Variants in CCDC186 observed in about 807,000 individuals in gnomAD.
CCDC186 encodes the protein coiled-coil domain-containing protein 186.
A neutral mutation model predicts 113.7 loss-of-function variants in CCDC186; 49 were observed. The observed-to-expected ratio is 0.43, with a 90% CI of 0.34 to 0.55. The LOEUF is 0.55. CCDC186 is among the 20% of genes least tolerant of loss of function. CCDC186 has a pLI of 0.02. For missense variants in CCDC186, 890 were observed against 1,011.1 expected, an observed-to-expected ratio of 0.88 and a Z score of 1.62; for synonymous variants, 355 against 345.8, an observed-to-expected ratio of 1.03 and a Z score of -0.30.
In CCDC186 at chr10:114,145,600, A is replaced by G. The variant is rs2031610947; in HGVS notation, c.1050T>C (p.Ile350=). 1 of 1,612,750 alleles carries G rather than the reference A, an allele frequency of 6.2e-7. No individual in the cohort carries two copies. Among genetic ancestry groups the G allele is most frequent in the African/African-American group, 1.3e-5 (1 of 74,966 alleles). ...NKELEKNTNK[I]KQLSQEKGRL... ...GTCCTTTCTCCTGAGAAAGCTGCTT[A>G]ATTTTGTTAGTGTTTTTCTCAAGTT... Residue 350 remains isoleucine, a synonymous_variant, in exon 5 of 16, where the codon ATT becomes ATC. Coordinates refer to ENST00000369287, the MANE Select transcript of CCDC186 (RefSeq NM_018017.4).
At chr10:114,137,517 G>A (rs2031303238) in intron 6 of CCDC186, among the ~76,000 whole-genome samples, 1 of 152,216 alleles carries the variant, frequency 6.6e-6, no homozygotes, top group African/African-American at 2.4e-5. Flanking sequence ...ATTACTAGAA[G>A]TTACTAACCT....
chr10:114,172,890 G>A lies in CCDC186; in HGVS notation c.-62+1125C>T, dbSNP rs1424317108. 2.0e-5 allele frequency among the ~76,000 whole-genome samples: 3 copies of A among 152,252 alleles called. No individual in the cohort carries two copies. In the East Asian group the frequency reaches 5.8e-4, roughly 29 times the overall value. ...TTCACTATCAATCTCTCTTGAACCT[G>A]AATCCTTCCCACGAGATGAACACTC... On this transcript the variant is annotated intron_variant, in intron 1 of 15. Transcript: ENST00000369287.
intron 2 of CCDC186, among the ~76,000 whole-genome samples, chr10:114,158,421 G>C (rs956461833): frequency 6.6e-6 from 1 of 152,108 alleles, no homozygotes; most frequent in Non-Finnish European, 1.5e-5. Context: ...GGACTAATTA[G>C]CAATAGCTGT....
chr10:114,165,220 T>C (rs2119818978), intron 1 of CCDC186, among the ~76,000 whole-genome samples: 1 of 152,354 alleles, frequency 6.6e-6, no homozygotes, highest in East Asian at 1.9e-4. Flanking sequence ...CTGCAGATAT[T>C]TTATAACCAA....
Position 114,134,897 on chromosome 10 carries a change from G to A in CCDC186, c.1655+16C>T, listed in dbSNP as rs1174126384. The A allele has an allele frequency of 1.4e-5, 22 of 1,594,582 alleles. No individual in the cohort carries two copies. The highest frequency in any genetic ancestry group is 1.5e-5 in the Non-Finnish European group (18 of 1,174,226). On this transcript the variant is annotated intron_variant, in intron 10 of 15. Transcript: ENST00000369287. ...AGCTTGCTTATTAATACAAACAGAA[G>A]TTGCTCATTTTGTACCTTTGAAGCT...
chr10:114,140,206 A>T (rs551483085), intron 6 of CCDC186, among the ~76,000 whole-genome samples: 118 of 152,376 alleles, frequency 7.7e-4, no homozygotes, highest in African/African-American at 2.6e-3. Context: ...AGGACATGAG[A>T]AAGTCCGGAT....
At chr10:114,170,830 A>G (rs2032473886) in intron 1 of CCDC186, among the ~76,000 whole-genome samples, 1 of 152,096 alleles carries the variant, frequency 6.6e-6, no homozygotes, top group Non-Finnish European at 1.5e-5. Context: ...GATGTTTAAA[A>G]AAAAAGACTT....
At chr10:114,159,660 A>G (rs1033278113) in intron 2 of CCDC186, among the ~76,000 whole-genome samples, 1 of 151,694 alleles carries the variant, frequency 6.6e-6, no homozygotes, top group Non-Finnish European at 1.5e-5. Flanking sequence ...AAAAAAAAAA[A>G]AAAAGAATTT....
intron 3 of CCDC186, among the ~76,000 whole-genome samples, chr10:114,156,773 G>C (rs547994000): frequency 1.3e-5 from 2 of 152,090 alleles, no homozygotes; most frequent in Non-Finnish European, 1.5e-5. Flanking sequence ...GAAAAGGACA[G>C]GCTAGGAAAG....
intron 11 of CCDC186, 113 bp downstream of exon 11, chr10:114,131,816 A>T: frequency 1.2e-6 from 1 of 851,102 alleles, no homozygotes; most frequent in Non-Finnish European, 1.6e-6. Flanking sequence ...AAATTGTCAG[A>T]AAGTCAGTGT....
intron 5 of CCDC186, among the ~76,000 whole-genome samples, chr10:114,144,842 TG>T (rs1365056609): frequency 6.6e-6 from 1 of 152,160 alleles, no homozygotes; most frequent in Non-Finnish European, 1.5e-5. Context: ...TTTAACCAAT[TG>T]GATGTATTGT....
intron 11 of CCDC186, among the ~76,000 whole-genome samples, chr10:114,131,573 T>C (rs1432197133): frequency 2.6e-5 from 4 of 152,314 alleles, no homozygotes; most frequent in Admixed American, 6.5e-5. Context: ...GGTTGTTGAA[T>C]TTTTGGACTA....
intron 1 of CCDC186, among the ~76,000 whole-genome samples, chr10:114,165,367 T>C (rs867669090): frequency 1.3e-5 from 2 of 152,230 alleles, no homozygotes; most frequent in Non-Finnish European, 2.9e-5. Flanking sequence ...CACTGCCACC[T>C]ACATTACCTC....
Position 114,134,920 on chromosome 10 carries a change from GCTGCTC to G in CCDC186, c.1642_1647del (p.Glu548_Gln549del). The stretch of plus-strand genomic sequence containing the variant: ...AAGTTGCTCATTTTGTACCTTTGAA[GCTGCTC>G]CTGTAGCTGATCTGCAGTTTTCACC... On this transcript the variant is annotated inframe_deletion, in exon 10 of 16. Coordinates refer to ENST00000369287, the MANE Select transcript of CCDC186 (RefSeq NM_018017.4). 1.2e-6 allele frequency: 2 copies of G among 1,608,082 alleles called. No individual in the cohort carries two copies. Among genetic ancestry groups the G allele is most frequent in the Non-Finnish European group, 1.7e-6 (2 of 1,178,328 alleles).
At chr10:114,140,399 G>A (rs1259911799) in intron 6 of CCDC186, among the ~76,000 whole-genome samples, 1 of 152,216 alleles carries the variant, frequency 6.6e-6, no homozygotes, top group African/African-American at 2.4e-5. Context: ...GAGATGGAAT[G>A]AGATGGATGG....
Position 114,129,934 on chromosome 10 carries a change from A to G in CCDC186, c.2139T>C (p.Tyr713=). 1.2e-6 allele frequency: 2 copies of G among 1,613,750 alleles called. No individual in the cohort carries two copies. Among genetic ancestry groups the G allele is most frequent in the Non-Finnish European group, 1.7e-6 (2 of 1,179,770 alleles). Residue 713 remains tyrosine (Y), a synonymous_variant, in exon 13 of 16, where the codon TAT becomes TAC. Coordinates refer to ENST00000369287, the MANE Select transcript of CCDC186 (RefSeq NM_018017.4). Reference sequence around the variant, plus strand: ...TTCCCATGCTGCTGACTTCTTTGTCATAGCTTCCACTCTCAACCTGATCTA... The same window carrying G: ...TTCCCATGCTGCTGACTTCTTTGTCGTAGCTTCCACTCTCAACCTGATCTA... The part of the protein sequence containing the change: ...RKLDQVESGS[Y]DKEVSSMGSR...
At position 114,157,328 on chromosome 10, in the gene CCDC186, C is replaced by T. The variant is rs182390136; in HGVS notation, c.759+226G>A. Among the ~76,000 whole-genome samples the T allele has an allele frequency of 1.5e-4, 22 of 151,402 alleles. No homozygotes were observed. In the East Asian group the frequency reaches 1.6e-3, roughly 11 times the overall value. ...CCTCCTTAGTAGCTGAGATTACAGG[C>T]GCATGCTACCATATGCAGCTAATTT... On this transcript the variant is annotated intron_variant, in intron 3 of 15. Coordinates refer to ENST00000369287, the MANE Select transcript of CCDC186 (RefSeq NM_018017.4).
chr10:114,143,015 C>T (rs901424531), intron 6 of CCDC186, among the ~76,000 whole-genome samples: 1 of 152,152 alleles, frequency 6.6e-6, no homozygotes, highest in African/African-American at 2.4e-5. Context: ...GCTTTTATAG[C>T]CTCCAAGTTA....
rs138520781 is a variant in CCDC186 at position 114,164,113 on chromosome 10, TA to T, written c.-61-785del. On this transcript the variant is annotated intron_variant, in intron 1 of 15. Coordinates refer to ENST00000369287, the MANE Select transcript of CCDC186 (RefSeq NM_018017.4). ...GTGTGTGTGTGTGTGTATATATATA[TA>T]TTTTTTTTTTTTTTTTTTTTTTTGG... Among the ~76,000 whole-genome samples, 1,112 of 114,276 alleles carry T rather than the reference TA, an allele frequency of 9.7e-3. 59 individuals are homozygous for T. Among genetic ancestry groups the T allele is most frequent in the Non-Finnish European group, 0.012 (612 of 53,034 alleles). The allele number at this position is 114,276 out of a possible 152,430, so 75.0% of individuals were successfully genotyped here. A position where few individuals can be genotyped will look rare whatever the true frequency, so the allele number is the denominator to read the frequency against.
Sources: gnomAD v4.1 joint callset for allele counts (sites outside exome capture counted in the v4.1 genomes callset) on GRCh38, gnomAD v4.1.1 for gene constraint, MANE v1.5 for transcripts, NCBI Gene and HGNC (gene_info 2026-07-23, HGNC 2026-07-21) for gene names.